The following PAGE2B variants were observed in gnomAD, a reference collection of about 807,000 sequenced individuals.
PAGE2B encodes putative G antigen family E member 3.
A neutral mutation model predicts 7.6 loss-of-function variants in PAGE2B; 5 were observed. The ratio of observed to expected loss-of-function variants is 0.66; its 90% CI spans 0.34 to 1.38. PAGE2B has a LOEUF of 1.38. PAGE2B is among the 40% of genes most tolerant of loss of function. The pLI, the probability that PAGE2B is intolerant of heterozygous loss-of-function variation, is 0.04. For missense variants in PAGE2B, 70 were observed against 78.4 expected (o/e 0.89, Z 0.41); for synonymous variants, 29 against 26.7 (o/e 1.09, Z -0.27).
the PAGE2B span, among the ~76,000 whole-genome samples, chrX:55,051,108 C>T: frequency 9.0e-6 from 1 of 111,466 alleles, no homozygotes; most frequent in Admixed American, 9.6e-5. Context: ...ATTGAAAATT[C>T]TTTTCTTTAA....
At chrX:55,052,538 C>T in the PAGE2B span, among the ~76,000 whole-genome samples, 12 of 112,485 alleles carry the variant, frequency 1.1e-4, no homozygotes, top group Admixed American at 4.7e-4. Context: ...CTGGCTGCCA[C>T]CTTGCAGTTT....
At chrX:55,029,363 G>A in the PAGE2B span, among the ~76,000 whole-genome samples, 1 of 111,743 alleles carries the variant, frequency 8.9e-6, no homozygotes, top group African/African-American at 3.3e-5. Context: ...GTGCCAGGCC[G>A]TGTTCTCATG....
chrX:55,041,835 G>A, the PAGE2B span, among the ~76,000 whole-genome samples: 3 of 111,669 alleles, frequency 2.7e-5, no homozygotes, highest in Non-Finnish European at 3.8e-5. Context: ...CACAACCATG[G>A]CCCTGGAGGA....
chrX:55,070,844 T>G (rs1237851656), upstream of PAGE2B, among the ~76,000 whole-genome samples: 2 of 111,849 alleles, frequency 1.8e-5, no homozygotes, highest in Non-Finnish European at 3.8e-5. Context: ...TATCAGAGAC[T>G]AGGATTGCAA....
chrX:55,056,307 G>A, the PAGE2B span, among the ~76,000 whole-genome samples: 8 of 110,938 alleles, frequency 7.2e-5, no homozygotes, highest in Non-Finnish European at 3.8e-5. Context: ...AGAGGAATGG[G>A]AGAGAACATG....
At chrX:55,056,061 G>C in the PAGE2B span, among the ~76,000 whole-genome samples, 1 of 111,751 alleles carries the variant, frequency 8.9e-6, no homozygotes, top group East Asian at 2.8e-4. Context: ...CTGAAAGAGA[G>C]AGCAGGTGTG....
At chrX:55,064,884 A>G in the PAGE2B span, among the ~76,000 whole-genome samples, 2 of 111,492 alleles carry the variant, frequency 1.8e-5, no homozygotes, top group Non-Finnish European at 3.8e-5. Flanking sequence ...ATTGATTTCT[A>G]GTTTTATTCC....
Position 55,076,572 on chromosome X carries a change from C to G in PAGE2B, c.88C>G (p.Gln30Glu). 1 of 1,200,684 alleles carries G rather than the reference C, an allele frequency of 8.3e-7. No homozygotes were observed. The highest frequency in any genetic ancestry group is 1.1e-6 in the Non-Finnish European group (1 of 889,541). ...SSQPVGSVIV[Q>E]EPTEEKRQEE... Reference sequence around the variant, plus strand: ...ACACACACACTTACACCCTTAGGTCCAGGAGCCCACTGAGGAAAAACGTCA... The same window carrying G: ...ACACACACACTTACACCCTTAGGTCGAGGAGCCCACTGAGGAAAAACGTCA... The change falls in exon 3 of 5, where the codon CAG (glutamine) becomes GAG (glutamate). Residue 30 changes from glutamine (Q) to glutamate (E), a missense_variant. Gln to Glu is a conservative substitution (Grantham distance 29). Transcript: ENST00000374971.
At chrX:55,041,302 C>T in the PAGE2B span, among the ~76,000 whole-genome samples, 3 of 109,512 alleles carry the variant, frequency 2.7e-5, no homozygotes, top group South Asian at 4.0e-4. Flanking sequence ...AGGATGGTCT[C>T]GATCTCCTGA....
At chrX:55,037,730 G>T in the PAGE2B span, among the ~76,000 whole-genome samples, 145 of 110,148 alleles carry the variant, frequency 1.3e-3, no homozygotes, top group African/African-American at 4.6e-3. Flanking sequence ...CCATAAAAAA[G>T]GATGAGTTCA....
chrX:55,064,375 T>C, the PAGE2B span, among the ~76,000 whole-genome samples: 2 of 111,958 alleles, frequency 1.8e-5, no homozygotes, highest in Non-Finnish European at 3.8e-5. Flanking sequence ...ATCCATTGAA[T>C]TTCTGTAGTA....
the PAGE2B span, among the ~76,000 whole-genome samples, chrX:55,067,624 A>G: frequency 8.9e-6 from 1 of 111,753 alleles, no homozygotes; most frequent in Non-Finnish European, 1.9e-5. Flanking sequence ...TTGAGGAATC[A>G]CCACACTGTC....
Position 55,076,132 on chromosome X carries a change from C to A in PAGE2B, c.84+7C>A, listed in dbSNP as rs369284183. On this transcript the variant is annotated splice_region_variant and intron_variant, in intron 2 of 4. Transcript: ENST00000374971. ...GCCAGTTGGATCTGTGATTGTGAGT[C>A]CTTTAACATTTGATGTTTCCTATTA... The A allele has an allele frequency of 1.0e-5, 12 of 1,195,716 alleles. No homozygotes were observed. Among genetic ancestry groups the A allele is most frequent in the Non-Finnish European group, 1.4e-5 (12 of 885,126 alleles).
At chrX:55,058,078 C>G in the PAGE2B span, among the ~76,000 whole-genome samples, 1 of 110,947 alleles carries the variant, frequency 9.0e-6, no homozygotes, top group African/African-American at 3.3e-5. Context: ...GATGCAGTCT[C>G]TATTGTTGCA....
the PAGE2B span, among the ~76,000 whole-genome samples, chrX:55,038,551 G>T: frequency 8.9e-6 from 1 of 111,880 alleles, no homozygotes; most frequent in South Asian, 3.7e-4. Context: ...AAATGGGGAA[G>T]TTTAAATAGG....
chrX:55,071,769 AC>A (rs1195399208), upstream of PAGE2B, among the ~76,000 whole-genome samples: 1 of 110,303 alleles, frequency 9.1e-6, no homozygotes, highest in African/African-American at 3.3e-5. Context: ...TTTTTCTCTA[AC>A]CTTGTTTTCT....
At chrX:55,048,638 T>C in the PAGE2B span, among the ~76,000 whole-genome samples, 3 of 111,819 alleles carry the variant, frequency 2.7e-5, no homozygotes, top group Non-Finnish European at 3.8e-5. Flanking sequence ...ATGCTTGTGA[T>C]TTTTGCACAT....
At position 55,076,664 on chromosome X, in the gene PAGE2B, A is replaced by G; in HGVS notation, c.180A>G (p.Ala60=). ...APSGEIENEG[A]PAVQGPDMEA... ...GTGGGGAGATCGAAAATGAAGGAGC[A>G]CCTGCCGTTCAAGGTGAAGGGAGAG... is the stretch of plus-strand genomic sequence containing the variant. The change falls in exon 3 of 5, where the codon GCA becomes GCG. Residue 60 remains alanine, a synonymous_variant. Coordinates refer to ENST00000374971, the MANE Select transcript of PAGE2B (RefSeq NM_001015038.3). 8.3e-7 allele frequency: 1 copy of G among 1,202,592 alleles called. No individual in the cohort carries two copies. Among genetic ancestry groups the G allele is most frequent in the East Asian group, 3.0e-5 (1 of 33,528 alleles).
chrX:55,039,447 C>G, the PAGE2B span, among the ~76,000 whole-genome samples: 1 of 107,118 alleles, frequency 9.3e-6, no homozygotes, highest in Non-Finnish European at 1.9e-5. Flanking sequence ...ATATACATAC[C>G]AAAGAATACT....
Sources: allele counts gnomAD v4.1 joint callset (sites outside exome capture counted in the v4.1 genomes callset), GRCh38; gene constraint gnomAD v4.1.1; transcripts MANE v1.5; gene names NCBI Gene and HGNC (gene_info 2026-07-23, HGNC 2026-07-21).